VASH2: variants seen among roughly 807,000 people sequenced by gnomAD.
VASH2 encodes vasohibin 2, also known as tubulinyl-Tyr carboxypeptidase 2.
In VASH2, 28 loss-of-function variants were observed where a neutral mutation model predicts 37.2. That is an observed-to-expected ratio of 0.75 (90% CI 0.56 to 1.03). The LOEUF is 1.03. Ranked by LOEUF, VASH2 falls within the 50% of genes least tolerant of loss-of-function variation. VASH2 has a pLI of 0.00. For missense variants in VASH2, 419 were observed against 459.1 expected (o/e 0.91, Z 0.80); for synonymous variants, 188 against 174.7 (o/e 1.08, Z -0.60).
chr1:212,965,691 C>T (rs946734357), intron 3 of VASH2, 31 bp from the exon 4 acceptor site: 4 of 1,536,870 alleles, frequency 2.6e-6, no homozygotes, highest in Non-Finnish European at 2.6e-6. Flanking sequence ...TTGGAGTTTT[C>T]TGTCACTTTC....
chr1:212,953,850 G>T (rs983897291), intron 2 of VASH2, among the ~76,000 whole-genome samples: 1 of 152,146 alleles, frequency 6.6e-6, no homozygotes, highest in South Asian at 2.1e-4. Context: ...CTATCATTCT[G>T]CTTCTGCTTC....
At chr1:212,979,182 T>TA (rs1201760907) in intron 7 of VASH2, among the ~76,000 whole-genome samples, 1 of 152,164 alleles carries the variant, frequency 6.6e-6, no homozygotes, top group African/African-American at 2.4e-5. Context: ...TTCCTGGAGG[T>TA]ATGTTTGGAG....
chr1:212,983,359 G>T (rs748411619), intron 7 of VASH2, among the ~76,000 whole-genome samples: 18 of 152,240 alleles, frequency 1.2e-4, no homozygotes, highest in Non-Finnish European at 2.1e-4. Context: ...CTGACATCTG[G>T]TGAGAGCCTT....
At chr1:212,974,743 C>G (rs1392581146) in intron 7 of VASH2, 2 of 152,232 alleles carry the variant, frequency 1.3e-5, no homozygotes, top group Non-Finnish European at 2.9e-5. Flanking sequence ...GGAAAAAATA[C>G]TGCTTTTCTT....
chr1:212,973,559 T>C, intron 6 of VASH2: 3 of 1,279,836 alleles, frequency 2.3e-6, no homozygotes, highest in Non-Finnish European at 3.0e-6. Context: ...TTCTGTCATA[T>C]GTGTGGGATG....
At chr1:212,982,859 T>G (rs1667376561) in intron 7 of VASH2, among the ~76,000 whole-genome samples, 1 of 152,180 alleles carries the variant, frequency 6.6e-6, no homozygotes, top group Non-Finnish European at 1.5e-5. Flanking sequence ...CCTAGTCCCT[T>G]TCCTTTGGAA....
At chr1:212,978,386 G>A (rs181314559) in intron 7 of VASH2, among the ~76,000 whole-genome samples, 45 of 152,308 alleles carry the variant, frequency 3.0e-4, no homozygotes, top group Admixed American at 1.2e-3. Context: ...GAGAAAGACT[G>A]GGGAAGGGAG....
chr1:212,960,501 GTGGCAC>G (rs1666640984), intron 2 of VASH2, among the ~76,000 whole-genome samples: 1 of 152,196 alleles, frequency 6.6e-6, no homozygotes, highest in African/African-American at 2.4e-5. Context: ...GTATTGAGAT[GTGGCAC>G]TCGTAGTGCC....
chr1:212,981,923 T>TG (rs558681159), intron 7 of VASH2, among the ~76,000 whole-genome samples: 147 of 152,362 alleles, frequency 9.6e-4, no homozygotes, highest in African/African-American at 2.5e-3. Context: ...GCTGCACAGA[T>TG]GGCACCATCT....
intron 2 of VASH2, among the ~76,000 whole-genome samples, chr1:212,959,654 C>T (rs1417324327): frequency 6.6e-6 from 1 of 152,198 alleles, no homozygotes; most frequent in African/African-American, 2.4e-5. Flanking sequence ...ACCCCGATGC[C>T]CAGGCGGGGG....
intron 2 of VASH2, among the ~76,000 whole-genome samples, chr1:212,954,300 A>G (rs554187680): frequency 2.5e-4 from 38 of 152,340 alleles, no homozygotes; most frequent in African/African-American, 9.1e-4. Flanking sequence ...AGTCATTTGC[A>G]AGCACATATG....
rs570067163 is a variant in VASH2 at position 212,967,251 on chromosome 1, C to T, written c.497+906C>T. ...ATCGACATATTGGTGGTGATGACCA[C>T]CTCCCTTACACAATAGTCTCATCCC... On this transcript the variant is annotated intron_variant, in intron 5 of 7. Transcript: ENST00000517399. 5.4e-6 allele frequency: 7 copies of T among 1,294,872 alleles called. No individual in the cohort carries two copies. The South Asian group carries it at 8.7e-5, about 16-fold the overall frequency. The allele number at this position is 1,294,872 out of a possible 1,614,324, so 80.2% of individuals were successfully genotyped here.
intron 7 of VASH2, among the ~76,000 whole-genome samples, chr1:212,984,805 C>A (rs1462417203): frequency 2.6e-5 from 4 of 152,186 alleles, no homozygotes; most frequent in Non-Finnish European, 5.9e-5. Flanking sequence ...TTAGGTCCTA[C>A]ATAGTTTGCA....
At chr1:212,952,375 G>GT (rs1317177727) in intron 2 of VASH2, 1 of 152,094 alleles carries the variant, frequency 6.6e-6, no homozygotes, top group African/African-American at 2.4e-5. Flanking sequence ...GTGTGTGACA[G>GT]TGACTTTCAC....
intron 3 of VASH2, among the ~76,000 whole-genome samples, chr1:212,963,541 A>C (rs1666743843): frequency 6.6e-6 from 1 of 151,800 alleles, no homozygotes; most frequent in African/African-American, 2.4e-5. Flanking sequence ...CCTTCCCCTC[A>C]GACATCCTCG....
chr1:212,962,445 C>G (rs1666708236), intron 3 of VASH2, among the ~76,000 whole-genome samples: 1 of 152,150 alleles, frequency 6.6e-6, no homozygotes. Flanking sequence ...CTGTCCATAC[C>G]CAGCCCTGAG....
intron 2 of VASH2, among the ~76,000 whole-genome samples, chr1:212,953,216 T>C (rs1372056582): frequency 7.6e-6 from 1 of 131,180 alleles, no homozygotes; most frequent in Non-Finnish European, 1.7e-5. Context: ...CCTCCAACCA[T>C]GTATGCGGGT....
chr1:212,964,796 C>T (rs1393835426), intron 3 of VASH2, among the ~76,000 whole-genome samples: 1 of 152,194 alleles, frequency 6.6e-6, no homozygotes, highest in Non-Finnish European at 1.5e-5. Flanking sequence ...ATCCACCCTT[C>T]CAATCCATCC....
At chr1:212,987,619 C>A (rs1036872531) in intron 7 of VASH2, among the ~76,000 whole-genome samples, 1 of 152,154 alleles carries the variant, frequency 6.6e-6, no homozygotes, top group African/African-American at 2.4e-5. Flanking sequence ...TTATGTGTAA[C>A]CTAAACATGT....
Sources: gnomAD v4.1 joint callset for allele counts (sites outside exome capture counted in the v4.1 genomes callset) on GRCh38, gnomAD v4.1.1 for gene constraint, MANE v1.5 for transcripts, NCBI Gene and HGNC (gene_info 2026-07-23, HGNC 2026-07-21) for gene names.